Variants in CALCA observed in about 807,000 individuals in gnomAD.
CALCA encodes calcitonin.
Under a neutral mutation model 6.9 loss-of-function variants are expected in CALCA, and 4 were observed. The observed-to-expected ratio is 0.58, with a 90% CI of 0.29 to 1.33. CALCA has a LOEUF of 1.33. CALCA is among the 40% of genes most tolerant of loss of function. The pLI is 0.09. For synonymous variants in CALCA, 78 were observed against 70.0 expected (o/e 1.11, Z -0.57); for missense variants, 174 against 178.3 (o/e 0.98, Z 0.14).
In CALCA at chr11:14,968,833, C is replaced by T. The variant is rs782155305; in HGVS notation, c.392G>A (p.Arg131His). 3.6e-5 allele frequency: 58 copies of T among 1,614,048 alleles called. 1 individual carries two copies. Among genetic ancestry groups the T allele is most frequent in the South Asian group, 3.3e-4 (30 of 91,088 alleles). The change falls in exon 4 of 4, where the codon CGC (arginine) becomes CAC (histidine). Residue 131 changes from arginine to histidine, a missense_variant. Physicochemically the swap from Arg to His is conservative, Grantham distance 29. Transcript: ENST00000331587. ...DMSSDLERDH[R>H]PHVSMPQNAN ...ATTCTGGGGCATGCTAACATGAGGG[C>T]GATGGTCTCTCTCCAAGTCGCTGGA... is the stretch of plus-strand genomic sequence containing the variant.
chr11:14,968,888 C>T lies in CALCA; in HGVS notation c.337G>A (p.Val113Ile), dbSNP rs1555025847. ...FHTFPQTAIG[V>I]GAPGKKRDMS... ...TCCCTTTTCTTTCCAGGTGCTCCAA[C>T]CCCAATTGCAGTTTGGGGGAACGTG... The change falls in exon 4 of 4, where the codon GTT (valine) becomes ATT (isoleucine). Residue 113 changes from valine (V) to isoleucine (I), a missense_variant. Coordinates refer to ENST00000331587, the MANE Select transcript of CALCA (RefSeq NM_001741.3). 3 of 1,614,214 alleles carry T rather than the reference C, an allele frequency of 1.9e-6. No homozygotes were observed. The highest frequency in any genetic ancestry group is 2.2e-5 in the South Asian group (2 of 91,086).
At chr11:14,971,797 T>C (rs1849612628) in intron 1 of CALCA, among the ~76,000 whole-genome samples, 1 of 152,234 alleles carries the variant, frequency 6.6e-6, no homozygotes, top group Non-Finnish European at 1.5e-5. Flanking sequence ...AGCCTGTGAC[T>C]GGGGCTTGCA....
In CALCA at chr11:14,970,051, T is replaced by C. The variant is rs546905499; in HGVS notation, c.111A>G (p.Ala37=). 3.8e-5 allele frequency: 62 copies of C among 1,614,234 alleles called. No individual in the cohort carries two copies. The African/African-American group carries it at 7.7e-4, about 20-fold the overall frequency. The change falls in exon 3 of 4, where the codon GCA becomes GCG. Residue 37 remains alanine, a synonymous_variant. Coordinates refer to ENST00000331587, the MANE Select transcript of CALCA (RefSeq NM_001741.3). ...CGTCCTCACTGAGCGTGGCCGGGTC[T>C]GCTGGGCTGCTCTCCAGGGCAGACC... ...PFRSALESSP[A]DPATLSEDEA...
At chr11:14,967,536 G>A (rs1849483700), downstream of CALCA, 2 of 951,222 alleles carry the variant, frequency 2.1e-6, no homozygotes, top group Admixed American at 4.8e-5. Flanking sequence ...CTTAGCTACT[G>A]GAACTCAGAT....
chr11:14,968,162 G>T (rs1849500681), downstream of CALCA: 2 of 433,176 alleles, frequency 4.6e-6, no homozygotes, highest in Admixed American at 3.5e-5. Context: ...CAAAGCGGAG[G>T]TTTATGACAC....
At chr11:14,972,014 T>G (rs1276434580) in intron 1 of CALCA, among the ~76,000 whole-genome samples, 1 of 152,036 alleles carries the variant, frequency 6.6e-6, no homozygotes, top group Non-Finnish European at 1.5e-5. Flanking sequence ...CTGTGTGCAG[T>G]GCGAGAGAGT....
downstream of CALCA, chr11:14,966,807 C>A (rs551949603): frequency 6.6e-6 from 1 of 152,636 alleles, no homozygotes; most frequent in Non-Finnish European, 1.5e-5. Flanking sequence ...GATTTCATGT[C>A]CCCCTGAGGT....
chr11:14,969,212 C>T (rs1217834922), intron 3 of CALCA, among the ~76,000 whole-genome samples: 2 of 152,122 alleles, frequency 1.3e-5, no homozygotes, highest in African/African-American at 2.4e-5. Flanking sequence ...TCTTTTCTGG[C>T]ATTCCACATG....
In CALCA at chr11:14,968,575, T is replaced by C; in HGVS notation, c.*224A>G. The C allele has an allele frequency of 5.5e-6, 8 of 1,445,396 alleles. No individual in the cohort carries two copies. The highest frequency in any genetic ancestry group is 1.4e-5 in the South Asian group (1 of 71,402). 89.5% of individuals were successfully genotyped at this position (1,445,396 alleles called of 1,614,324 possible). On this transcript the variant is annotated 3_prime_UTR_variant, in exon 4 of 4. Transcript: ENST00000331587. ...AGGACAGAGGAGCTCTGATGACATC[T>C]CTGGGGGACTCAAAGCGGCCCTCAT...
rs1555026414 is a variant in CALCA at position 14,971,112 on chromosome 11, T to A, written c.81A>T (p.Pro27=). ...CTGGCTTCAGGCTGTCTTACCTGAA[T>A]GGTGCTGCATGGAGGCTGCCTGCCT... ...LLQAGSLHAA[P]FRSALESSPA... The change falls in exon 2 of 4, where the codon CCA becomes CCT. Residue 27 remains proline, a synonymous_variant. Transcript: ENST00000331587. 2.5e-6 allele frequency: 4 copies of A among 1,613,972 alleles called. No homozygotes were observed. Among genetic ancestry groups the A allele is most frequent in the Non-Finnish European group, 3.4e-6 (4 of 1,179,860 alleles).
At position 14,971,189 on chromosome 11, in the gene CALCA, C is replaced by G. The variant is rs34587547; in HGVS notation, c.4G>C (p.Gly2Arg). 7.4e-4 allele frequency: 1,186 copies of G among 1,613,600 alleles called. 7 individuals are homozygous for G. In the African/African-American group the frequency reaches 9.0e-3, roughly 12 times the overall value. Residue 2 changes from glycine (G) to arginine (R), a missense_variant, in exon 2 of 4, where the codon GGC (glycine) becomes CGC (arginine). Transcript: ENST00000331587. MGFQKFSPFLAL... is the reference protein window; with the variant it reads MRFQKFSPFLAL... ...AGGAAGGGGGAGAACTTTTGGAAGCCCATGACACCTCTCTGCAAGGGAAGA... is the reference window on the plus strand; with the variant it reads ...AGGAAGGGGGAGAACTTTTGGAAGCGCATGACACCTCTCTGCAAGGGAAGA...
In CALCA at chr11:14,970,059, T is replaced by G; in HGVS notation, c.103A>C (p.Ser35Arg). 1 of 1,614,242 alleles carries G rather than the reference T, an allele frequency of 6.2e-7. No homozygotes were observed. The highest frequency in any genetic ancestry group is 8.5e-7 in the Non-Finnish European group (1 of 1,180,036). Residue 35 changes from serine (S) to arginine (R), a missense_variant, in exon 3 of 4, where the codon AGC becomes CGC. Coordinates refer to ENST00000331587, the MANE Select transcript of CALCA (RefSeq NM_001741.3). ...AAPFRSALES[S>R]PADPATLSED... ...CTGAGCGTGGCCGGGTCTGCTGGGC[T>G]GCTCTCCAGGGCAGACCTGTGGAGG...
chr11:14,971,796 C>A (rs1849612562), intron 1 of CALCA, among the ~76,000 whole-genome samples: 1 of 152,218 alleles, frequency 6.6e-6, no homozygotes, highest in Non-Finnish European at 1.5e-5. Flanking sequence ...GAGCCTGTGA[C>A]TGGGGCTTGC....
chr11:14,970,603 A>G (rs978787697), intron 2 of CALCA, among the ~76,000 whole-genome samples: 4 of 152,204 alleles, frequency 2.6e-5, no homozygotes, highest in African/African-American at 4.8e-5. Context: ...AGTGGGCTAT[A>G]TAAAATTTAT....
At chr11:14,969,578 G>A (rs1590265708) in intron 3 of CALCA, among the ~76,000 whole-genome samples, 1 of 152,238 alleles carries the variant, frequency 6.6e-6, no homozygotes, top group East Asian at 1.9e-4. Context: ...AAAACTTCCT[G>A]AGATGTACTA....
Position 14,968,832 on chromosome 11 carries a change from G to A in CALCA, c.393C>T (p.Arg131=), listed in dbSNP as rs1565208338. The A allele has an allele frequency of 1.2e-6, 2 of 1,614,186 alleles. No homozygotes were observed. Among genetic ancestry groups the A allele is most frequent in the Non-Finnish European group, 1.7e-6 (2 of 1,180,038 alleles). The part of the protein sequence containing the change: ...DMSSDLERDH[R]PHVSMPQNAN ...CATTCTGGGGCATGCTAACATGAGG[G>A]CGATGGTCTCTCTCCAAGTCGCTGG... Residue 131 remains arginine, a synonymous_variant, in exon 4 of 4, where the codon CGC becomes CGT. Coordinates refer to ENST00000331587, the MANE Select transcript of CALCA (RefSeq NM_001741.3).
chr11:14,972,154 G>C (rs1415463259), intron 1 of CALCA, 91 bp downstream of exon 1: 2 of 152,604 alleles, frequency 1.3e-5, no homozygotes, highest in Non-Finnish European at 2.9e-5. Flanking sequence ...CTAACGGAGA[G>C]AGAGGGAGAG....
At chr11:14,967,479 T>A (rs571906581), downstream of CALCA, among the ~76,000 whole-genome samples, 1 of 152,220 alleles carries the variant, frequency 6.6e-6, no homozygotes, top group Non-Finnish European at 1.5e-5. Context: ...GATCTCAGGG[T>A]TACAAGGAGA....
Position 14,971,119 on chromosome 11 carries a change from G to A in CALCA, c.74C>T (p.Ala25Val), listed in dbSNP as rs1555026419. The A allele has an allele frequency of 1.2e-6, 2 of 1,614,018 alleles. No homozygotes were observed. The highest frequency in any genetic ancestry group is 1.7e-5 in the Admixed American group (1 of 60,032). ...CAGGCTGTCTTACCTGAATGGTGCT[G>A]CATGGAGGCTGCCTGCCTGCAACAG... ...LVLLQAGSLH[A>V]APFRSALESS... is the part of the protein sequence containing the mutation. The change falls in exon 2 of 4, where the codon GCA becomes GTA. Residue 25 changes from alanine to valine, a missense_variant. Ala to Val is a moderately conservative substitution (Grantham distance 64). Coordinates refer to ENST00000331587, the MANE Select transcript of CALCA (RefSeq NM_001741.3).
Sources: gnomAD v4.1 joint callset for allele counts (sites outside exome capture counted in the v4.1 genomes callset) on GRCh38, gnomAD v4.1.1 for gene constraint, MANE v1.5 for transcripts, NCBI Gene and HGNC (gene_info 2026-07-23, HGNC 2026-07-21) for gene names.